SLC24A2: variants seen among roughly 807,000 people sequenced by gnomAD.
SLC24A2 encodes sodium/potassium/calcium exchanger 2.
A neutral mutation model predicts 62.0 loss-of-function variants in SLC24A2; 36 were observed. The ratio of observed to expected loss-of-function variants is 0.58; its 90% CI spans 0.44 to 0.77. SLC24A2 has a LOEUF of 0.77. SLC24A2 is among the 30% of genes least tolerant of loss of function. The probability of loss-of-function intolerance (pLI) is 0.00; values close to 1 mark genes in which losing one functional copy is unlikely to be tolerated. For missense variants in SLC24A2, 846 were observed against 817.9 expected, an observed-to-expected ratio of 1.03 and a Z score of -0.42; for synonymous variants, 358 against 294.0, an observed-to-expected ratio of 1.22 and a Z score of -2.23.
the SLC24A2 span, among the ~76,000 whole-genome samples, chr9:20,218,676 A>T: frequency 4.1e-4 from 62 of 152,322 alleles, 1 homozygote; most frequent in African/African-American, 1.4e-3. Context: ...ATTCAAGTTC[A>T]TACAGGACTG....
intron 2 of SLC24A2, among the ~76,000 whole-genome samples, chr9:19,694,276 G>A (rs1461660365): frequency 2.6e-5 from 4 of 151,938 alleles, no homozygotes; most frequent in Admixed American, 1.3e-4. Context: ...CAGTTTAAAC[G>A]CTTTAATAAA....
the SLC24A2 span, among the ~76,000 whole-genome samples, chr9:20,098,706 G>A: frequency 1.3e-5 from 2 of 152,192 alleles, no homozygotes; most frequent in East Asian, 3.8e-4. Context: ...TTATAAGCCT[G>A]TATGCAAGTG....
chr9:19,610,839 A>C (rs1336326891), intron 4 of SLC24A2, among the ~76,000 whole-genome samples: 1 of 152,246 alleles, frequency 6.6e-6, no homozygotes, highest in Non-Finnish European at 1.5e-5. Flanking sequence ...TAGCAGAAAA[A>C]TTATAAAGGC....
chr9:20,041,354 A>T, the SLC24A2 span, among the ~76,000 whole-genome samples: 1 of 152,270 alleles, frequency 6.6e-6, no homozygotes, highest in Non-Finnish European at 1.5e-5. Flanking sequence ...AGGCTACAGC[A>T]TATGTTACCG....
chr9:19,636,337 TTC>T (rs1251463501), intron 2 of SLC24A2, among the ~76,000 whole-genome samples: 1 of 34,094 alleles, frequency 2.9e-5, no homozygotes, highest in African/African-American at 1.5e-4. Flanking sequence ...CTTTCTTTCT[TTC>T]TTTCTTTCTT....
At chr9:20,014,608 G>T in the SLC24A2 span, among the ~76,000 whole-genome samples, 3 of 151,744 alleles carry the variant, frequency 2.0e-5, no homozygotes, top group Non-Finnish European at 4.4e-5. Flanking sequence ...CAAATATTAT[G>T]GTAAGTGAAA....
At chr9:20,164,160 C>A in the SLC24A2 span, among the ~76,000 whole-genome samples, 2 of 152,118 alleles carry the variant, frequency 1.3e-5, no homozygotes, top group Middle Eastern at 3.2e-3. Flanking sequence ...AGACCTTCTG[C>A]ACAGCAAAAG....
the SLC24A2 span, among the ~76,000 whole-genome samples, chr9:20,306,753 G>C: frequency 6.6e-6 from 1 of 152,234 alleles, no homozygotes; most frequent in South Asian, 2.1e-4. Context: ...CTGGAGTGCA[G>C]TGGCGTGATC....
chr9:19,641,094 G>T (rs1412881245), intron 2 of SLC24A2, among the ~76,000 whole-genome samples: 1 of 152,202 alleles, frequency 6.6e-6, no homozygotes, highest in Non-Finnish European at 1.5e-5. Flanking sequence ...TTTTGCTCTG[G>T]TCCAGACCAA....
intron 2 of SLC24A2, among the ~76,000 whole-genome samples, chr9:19,765,457 G>C (rs10811241): frequency 0.27 from 40,476 of 152,026 alleles, 5,610 homozygotes; most frequent in South Asian, 0.35. Flanking sequence ...TCCATATTTA[G>C]TGCTTCCTTC....
chr9:20,011,165 G>A, the SLC24A2 span, among the ~76,000 whole-genome samples: 3 of 152,112 alleles, frequency 2.0e-5, no homozygotes, highest in Non-Finnish European at 2.9e-5. Flanking sequence ...TCTAGTTCTA[G>A]ATCCTTGAGA....
At chr9:20,178,459 G>A in the SLC24A2 span, among the ~76,000 whole-genome samples, 2 of 152,132 alleles carry the variant, frequency 1.3e-5, no homozygotes, top group African/African-American at 4.8e-5. Flanking sequence ...GAAAGCTACT[G>A]ACATCTGATT....
At chr9:20,286,491 G>A in the SLC24A2 span, among the ~76,000 whole-genome samples, 10 of 152,312 alleles carry the variant, frequency 6.6e-5, no homozygotes, top group East Asian at 1.7e-3. Context: ...AAAGGCACAG[G>A]ACAACTCAGT....
chr9:19,774,797 C>T (rs1201117715), intron 2 of SLC24A2, among the ~76,000 whole-genome samples: 1 of 152,142 alleles, frequency 6.6e-6, no homozygotes, highest in African/African-American at 2.4e-5. Context: ...CCAAAGGAAG[C>T]GATCCTCTTT....
At chr9:20,088,515 T>A in the SLC24A2 span, among the ~76,000 whole-genome samples, 2 of 152,150 alleles carry the variant, frequency 1.3e-5, no homozygotes, top group Non-Finnish European at 2.9e-5. Flanking sequence ...TCTACAACCA[T>A]CCCCACCAGG....
chr9:20,300,164 G>C, the SLC24A2 span, among the ~76,000 whole-genome samples: 1 of 152,116 alleles, frequency 6.6e-6, no homozygotes. Flanking sequence ...GTATTTATGG[G>C]GTACATGAAG....
the SLC24A2 span, among the ~76,000 whole-genome samples, chr9:19,813,391 C>T: frequency 3.0e-5 from 4 of 135,420 alleles, no homozygotes; most frequent in East Asian, 4.4e-4. Context: ...GGCACGATCT[C>T]GGCTCACTGC....
chr9:19,587,705 TATA>T (rs1836417142), intron 5 of SLC24A2, among the ~76,000 whole-genome samples: 1 of 152,128 alleles, frequency 6.6e-6, no homozygotes, highest in Non-Finnish European at 1.5e-5. Flanking sequence ...ATTATTAATT[TATA>T]ATAACAGATT....
At chr9:19,520,763 C>T in intron 10 of SLC24A2, 131 bp downstream of exon 10, 1 of 833,414 alleles carries the variant, frequency 1.2e-6, no homozygotes, top group Non-Finnish European at 2.0e-6. Flanking sequence ...CAATGGTATT[C>T]TCAATCTTTA....
Sources: gnomAD v4.1 joint callset for allele counts (sites outside exome capture counted in the v4.1 genomes callset) on GRCh38, gnomAD v4.1.1 for gene constraint, MANE v1.5 for transcripts, NCBI Gene and HGNC (gene_info 2026-07-23, HGNC 2026-07-21) for gene names.